The following IL16 variants were observed in gnomAD, a reference collection of about 807,000 sequenced individuals.
The protein encoded by IL16 is pro-interleukin-16.
A neutral mutation model predicts 110.1 loss-of-function variants in IL16; 67 were observed. The observed-to-expected ratio is 0.61, with a 90% CI of 0.50 to 0.75. The LOEUF is 0.75. Ranked by LOEUF, IL16 falls within the 30% of genes least tolerant of loss-of-function variation. The pLI, the probability that IL16 is intolerant of heterozygous loss-of-function variation, is 0.00. For missense variants in IL16, 1,545 were observed against 1,655.0 expected, an observed-to-expected ratio of 0.93 and a Z score of 1.15; for synonymous variants, 689 against 662.9, an observed-to-expected ratio of 1.04 and a Z score of -0.61.
intron 2 of IL16, among the ~76,000 whole-genome samples, chr15:81,229,175 A>T (rs1457082495): frequency 6.6e-6 from 1 of 152,180 alleles, no homozygotes; most frequent in Non-Finnish European, 1.5e-5. Flanking sequence ...TCAGAGGATA[A>T]TGAGGGAGAC....
At chr15:81,260,603 A>G (rs989629897) in intron 3 of IL16, among the ~76,000 whole-genome samples, 1 of 152,214 alleles carries the variant, frequency 6.6e-6, no homozygotes, top group Admixed American at 6.5e-5. Context: ...TAGTCTAATC[A>G]AGTTGCTGAA....
chr15:81,224,243 T>A (rs888703760), intron 1 of IL16, among the ~76,000 whole-genome samples: 1 of 152,244 alleles, frequency 6.6e-6, no homozygotes, highest in Non-Finnish European at 1.5e-5. Context: ...CTGCTATTCC[T>A]TATTCAATAC....
chr15:81,282,523 G>A (rs952070234), intron 8 of IL16, 116 bp from the exon 9 acceptor site: 11 of 760,328 alleles, frequency 1.4e-5, no homozygotes, highest in Middle Eastern at 3.7e-4. Context: ...CTGTGAATAC[G>A]GGTGGGATGA....
chr15:81,225,770 TAA>T, intron 2 of IL16, 59 bp downstream of exon 2: 3 of 1,357,234 alleles, frequency 2.2e-6, no homozygotes, highest in Non-Finnish European at 3.0e-6. Context: ...TGCTGTGAAT[TAA>T]AGTCTTTGAA....
chr15:81,245,608 G>A (rs905442122), intron 2 of IL16, among the ~76,000 whole-genome samples: 25 of 137,878 alleles, frequency 1.8e-4, no homozygotes, highest in African/African-American at 6.6e-4. Flanking sequence ...TGGCATGGGT[G>A]GGACAGGGCC....
chr15:81,218,662 T>C (rs1384678364), intron 1 of IL16, among the ~76,000 whole-genome samples: 1 of 152,226 alleles, frequency 6.6e-6, no homozygotes, highest in Non-Finnish European at 1.5e-5. Flanking sequence ...CCCAGCACCT[T>C]GCTGTACCTT....
chr15:81,209,905 A>G (rs989381073), intron 1 of IL16, among the ~76,000 whole-genome samples: 10 of 152,214 alleles, frequency 6.6e-5, no homozygotes, highest in African/African-American at 1.7e-4. Context: ...TTTTGTTGCA[A>G]TTGCTTTTGG....
chr15:81,213,769 G>A (rs1480503539), intron 1 of IL16, among the ~76,000 whole-genome samples: 2 of 152,090 alleles, frequency 1.3e-5, no homozygotes, highest in African/African-American at 2.4e-5. Flanking sequence ...GTCTATGGGA[G>A]CTACGTGAAA....
chr15:81,303,015 A>ATGTG lies in IL16; in HGVS notation c.3319-508_3319-505dup, dbSNP rs34522610. Among the ~76,000 whole-genome samples the ATGTG allele has an allele frequency of 0.2, 29,256 of 149,968 alleles. 3,119 individuals carry two copies. Among genetic ancestry groups the ATGTG allele is most frequent in the Non-Finnish European group, 0.25 (16,616 of 67,440 alleles). On this transcript the variant is annotated intron_variant, in intron 15 of 18. Transcript: ENST00000683961. This position sits in a 1 kb window ranked among gnomAD's most constrained non-coding sequence, Gnocchi z 4.1. ...GTCTAGGCTAGGAAGTACCGTAGTA[A>ATGTG]TGTGTGTGTGTGTGTGTGTGTGTGT...
chr15:81,208,840 G>A (rs2141983144), intron 1 of IL16, among the ~76,000 whole-genome samples: 1 of 152,286 alleles, frequency 6.6e-6, no homozygotes, highest in Admixed American at 6.5e-5. Flanking sequence ...GACTTTCTCA[G>A]TTACTAGCTG....
rs1900830899 is a variant in IL16 at position 81,311,108 on chromosome 15, T to A, written c.*2310T>A. The A allele has an allele frequency of 6.6e-6, 1 of 152,256 alleles. No individual in the cohort carries two copies. Among genetic ancestry groups the A allele is most frequent in the Admixed American group, 6.5e-5 (1 of 15,284 alleles). The allele number at this position is 152,256 out of a possible 1,614,324, so 9.4% of individuals were successfully genotyped here. A position where few individuals can be genotyped will look rare whatever the true frequency, so the allele number is the denominator to read the frequency against. On this transcript the variant is annotated 3_prime_UTR_variant, in exon 19 of 19. Transcript: ENST00000683961. ...CTCATCCATTTGCGTTCCATGATGC[T>A]GGGATTTACACTTGAGGCTTAGCTT...
intron 6 of IL16, 26 bp downstream of exon 6, chr15:81,273,230 C>A: frequency 1.3e-6 from 2 of 1,499,180 alleles, no homozygotes; most frequent in Non-Finnish European, 1.8e-6. Flanking sequence ...CTTTTCAGAC[C>A]ATGGTGGAGG....
chr15:81,232,042 GTTTTTTTTTT>G, intron 2 of IL16, among the ~76,000 whole-genome samples: 8,341 of 57,900 alleles, frequency 0.14, 169 homozygotes, highest in South Asian at 0.21. Context: ...ATTTGTTCTT[GTTTTTTTTTT>G]TTTTTTTTTT....
At chr15:81,292,374 A>G in intron 11 of IL16, 182 bp from the exon 12 acceptor site, 1 of 857,292 alleles carries the variant, frequency 1.2e-6, no homozygotes, top group Non-Finnish European at 1.9e-6. Context: ...TCCCAACCCA[A>G]AGTCATACAG....
chr15:81,226,480 G>T (rs115714232), intron 2 of IL16, among the ~76,000 whole-genome samples: 99 of 152,296 alleles, frequency 6.5e-4, no homozygotes, highest in African/African-American at 2.3e-3. Context: ...TGCTGCTAAC[G>T]CAGTGATAAG....
intron 1 of IL16, among the ~76,000 whole-genome samples, chr15:81,203,164 A>T (rs569939738): frequency 7.1e-6 from 1 of 140,164 alleles, no homozygotes; most frequent in African/African-American, 3.2e-5. Context: ...CCACTTTTTG[A>T]TGGGGTTGTT....
intron 1 of IL16, among the ~76,000 whole-genome samples, chr15:81,191,334 G>T (rs1250352138): frequency 6.6e-6 from 1 of 152,094 alleles, no homozygotes; most frequent in African/African-American, 2.4e-5. Context: ...TTTAAACCTG[G>T]GCCTAATCAC....
At chr15:81,218,235 T>G (rs1476289153) in intron 1 of IL16, among the ~76,000 whole-genome samples, 1 of 152,110 alleles carries the variant, frequency 6.6e-6, no homozygotes, top group Admixed American at 6.5e-5. Context: ...TTAGAAAATA[T>G]ATTTTACAAA....
intron 1 of IL16, among the ~76,000 whole-genome samples, chr15:81,215,914 G>A (rs1430215249): frequency 6.6e-6 from 1 of 152,214 alleles, no homozygotes; most frequent in African/African-American, 2.4e-5. Flanking sequence ...GATTCTATGT[G>A]CTCCAGATCA....
Sources: gnomAD v4.1 joint callset for allele counts (sites outside exome capture counted in the v4.1 genomes callset) on GRCh38, gnomAD v4.1.1 for gene constraint, Gnocchi (gnomAD v3.1) non-coding constraint, MANE v1.5 for transcripts, NCBI Gene and HGNC (gene_info 2026-07-23, HGNC 2026-07-21) for gene names.